The following CTTNBP2NL variants were observed in gnomAD, a reference collection of about 807,000 sequenced individuals.
CTTNBP2NL encodes the protein CTTNBP2 N-terminal like, also known as CTTNBP2 N-terminal-like protein.
In CTTNBP2NL, 16 loss-of-function variants were observed where a neutral mutation model predicts 32.5. The observed-to-expected ratio is 0.49, with a 90% CI of 0.33 to 0.75. The LOEUF (loss-of-function observed/expected upper bound fraction) is 0.75. Ranked by LOEUF, CTTNBP2NL falls within the 30% of genes least tolerant of loss-of-function variation. The pLI is 0.02. For synonymous variants in CTTNBP2NL, 298 were observed against 289.4 expected, an observed-to-expected ratio of 1.03 and a Z score of -0.30; for missense variants, 645 against 756.0, an observed-to-expected ratio of 0.85 and a Z score of 1.72.
rs1480294677 is a variant in CTTNBP2NL, at chr1:112,458,115, T to C, written c.*703T>C. 6.6e-6 allele frequency: 1 copy of C among 152,664 alleles called. No individual in the cohort carries two copies. Among genetic ancestry groups the C allele is most frequent in the East Asian group, 1.9e-4 (1 of 5,194 alleles). The allele number at this position is 152,664 out of a possible 1,614,324, so 9.5% of individuals were successfully genotyped here. ...TTGAAAAATTAAGTCACTCCCAGTT[T>C]CCTGCATAAGTTCTTGAACAGAATG... On this transcript the variant is annotated 3_prime_UTR_variant, in exon 6 of 6. Coordinates refer to ENST00000271277, the MANE Select transcript of CTTNBP2NL (RefSeq NM_018704.3).
intron 1 of CTTNBP2NL, among the ~76,000 whole-genome samples, chr1:112,401,043 C>T (rs1648484739): frequency 6.6e-6 from 1 of 151,602 alleles, no homozygotes; most frequent in Non-Finnish European, 1.5e-5. Context: ...AGCAAGGTAC[C>T]CAGGATATAA....
rs369670174 is a variant in CTTNBP2NL at position 112,419,895 on chromosome 1, A to G, written c.99+3631A>G. ...TAGATGGTTTTTAGGAAGAGCTTTT[A>G]AGATTGGGATGGGTGGTTTCGATCA... On this transcript the variant is annotated intron_variant, in intron 3 of 5. Transcript: ENST00000271277. Among the ~76,000 whole-genome samples, 229 of 152,312 alleles carry G rather than the reference A, an allele frequency of 1.5e-3. 1 individual carries two copies. Among genetic ancestry groups the G allele is most frequent in the African/African-American group, 5.1e-3 (214 of 41,572 alleles).
At chr1:112,439,964 C>G (rs1215562059) in intron 3 of CTTNBP2NL, among the ~76,000 whole-genome samples, 1 of 152,152 alleles carries the variant, frequency 6.6e-6, no homozygotes, top group Non-Finnish European at 1.5e-5. Context: ...AACATTTAAA[C>G]AGAGAGGCTA....
intron 3 of CTTNBP2NL, among the ~76,000 whole-genome samples, chr1:112,422,817 G>A (rs994536959): frequency 6.6e-6 from 1 of 151,860 alleles, no homozygotes; most frequent in Non-Finnish European, 1.5e-5. Flanking sequence ...TTTAGAGATG[G>A]GATCTCACTT....
rs1650343389 is a variant in CTTNBP2NL at position 112,455,813 on chromosome 1, A to G, written c.439-118A>G. ...TGTTAGGTGTTCTAAAATTTCAGAA[A>G]TACTTGATCTAAGCACTGTGATGTG... On this transcript the variant is annotated intron_variant, in intron 5 of 5. Coordinates refer to ENST00000271277, the MANE Select transcript of CTTNBP2NL (RefSeq NM_018704.3). 1.4e-5 allele frequency: 10 copies of G among 700,762 alleles called. No individual in the cohort carries two copies. In the South Asian group the frequency reaches 1.8e-4, roughly 12 times the overall value. 43.4% of individuals were successfully genotyped at this position (700,762 alleles called of 1,614,324 possible).
intron 1 of CTTNBP2NL, 116 bp downstream of exon 1, chr1:112,396,388 A>C (rs925769149): frequency 6.6e-6 from 1 of 152,358 alleles, no homozygotes; most frequent in Admixed American, 6.5e-5. Flanking sequence ...CTCTGGGCCC[A>C]TCCCCTGAGG....
At position 112,456,318 on chromosome 1, in the gene CTTNBP2NL, G is replaced by C; in HGVS notation, c.826G>C (p.Asp276His). ...EMESLKKIVK[D>H]LEASHQHSSP... ...GGAAAGTTTAAAGAAGATAGTGAAG[G>C]ACCTAGAGGCTTCCCACCAGCACAG... Residue 276 changes from aspartate (D) to histidine (H), a missense_variant, in exon 6 of 6, where the codon GAC (aspartate) becomes CAC (histidine). By Grantham distance (81) the Asp-to-His change is moderately conservative (BLOSUM62 -1). Transcript: ENST00000271277. 1 of 1,613,908 alleles carries C rather than the reference G, an allele frequency of 6.2e-7. No homozygotes were observed. The highest frequency in any genetic ancestry group is 8.5e-7 in the Non-Finnish European group (1 of 1,180,016).
chr1:112,458,231 G>T lies in CTTNBP2NL; in HGVS notation c.*819G>T, dbSNP rs191667755. 2 of 152,712 alleles carry T rather than the reference G, an allele frequency of 1.3e-5. No individual in the cohort carries two copies. Among genetic ancestry groups the T allele is most frequent in the Non-Finnish European group, 2.9e-5 (2 of 68,022 alleles). The allele number at this position is 152,712 out of a possible 1,614,324, so 9.5% of individuals were successfully genotyped here. A position where few individuals can be genotyped will look rare whatever the true frequency, so the allele number is the denominator to read the frequency against. On this transcript the variant is annotated 3_prime_UTR_variant, in exon 6 of 6. Transcript: ENST00000271277. The stretch of plus-strand genomic sequence containing the variant: ...ATTGCTGTTACTTGAATAGGAAATG[G>T]TTACTCATTCTGTATAAAAGTTTTG...
chr1:112,419,007 A>G (rs987466566), intron 3 of CTTNBP2NL, among the ~76,000 whole-genome samples: 1 of 152,184 alleles, frequency 6.6e-6, no homozygotes, highest in African/African-American at 2.4e-5. Context: ...CTTTATTTTA[A>G]AGCATTCTTT....
intron 3 of CTTNBP2NL, among the ~76,000 whole-genome samples, chr1:112,427,744 A>C (rs569832135): frequency 6.1e-4 from 92 of 152,040 alleles, no homozygotes; most frequent in South Asian, 1.0e-3. Context: ...AAATACAAAA[A>C]AATTAGCCAG....
rs1182248879 is a variant in CTTNBP2NL at position 112,456,370 on chromosome 1, C to T, written c.878C>T (p.Pro293Leu). Residue 293 changes from proline (P) to leucine (L), a missense_variant, in exon 6 of 6, where the codon CCA becomes CTA. Physicochemically the swap from Pro to Leu is moderately conservative, Grantham distance 98. Transcript: ENST00000271277. ...HSSPNEQLKK[P>L]VTVSKGTATE... The stretch of plus-strand genomic sequence containing the variant: ...AGCCCTAATGAGCAATTGAAGAAAC[C>T]AGTAACCGTGTCCAAAGGCACAGCA... 4 of 1,613,906 alleles carry T rather than the reference C, an allele frequency of 2.5e-6. No individual in the cohort carries two copies. The highest frequency in any genetic ancestry group is 8.5e-7 in the Non-Finnish European group (1 of 1,180,030).
chr1:112,447,397 A>G (rs184553395), intron 3 of CTTNBP2NL, among the ~76,000 whole-genome samples: 2 of 152,170 alleles, frequency 1.3e-5, no homozygotes, highest in African/African-American at 4.8e-5. Flanking sequence ...AGTTATTAGT[A>G]ACTTAAAGAA....
At position 112,447,253 on chromosome 1, in the gene CTTNBP2NL, G is replaced by A. The variant is rs192511995; in HGVS notation, c.100-1689G>A. Among the ~76,000 whole-genome samples, 521 of 137,148 alleles carry A rather than the reference G, an allele frequency of 3.8e-3. 8 individuals carry two copies. The highest frequency in any genetic ancestry group is 5.4e-3 in the East Asian group (26 of 4,804). The allele number at this position is 137,148 out of a possible 152,430, so 90.0% of individuals were successfully genotyped here. ...TGTGCCACTGCTCTCCAGCCTGGGC[G>A]ACAGAGCGAGACTCCATCTAAAAAA... is the stretch of plus-strand genomic sequence containing the variant. On this transcript the variant is annotated intron_variant, in intron 3 of 5. Transcript: ENST00000271277.
At chr1:112,422,046 C>T (rs1649247830) in intron 3 of CTTNBP2NL, among the ~76,000 whole-genome samples, 1 of 151,836 alleles carries the variant, frequency 6.6e-6, no homozygotes, top group South Asian at 2.1e-4. Flanking sequence ...ATGTGTTTCC[C>T]CAAGAAACCA....
At chr1:112,404,988 TG>T (rs1648617004) in intron 1 of CTTNBP2NL, among the ~76,000 whole-genome samples, 1 of 1,156 alleles carries the variant, frequency 8.7e-4, no homozygotes, top group Non-Finnish European at 0.014. Context: ...AGGCGGAGGT[TG>T]CGGTGAGGCC....
At position 112,458,352 on chromosome 1, in the gene CTTNBP2NL, A is replaced by G. The variant is rs1377459594; in HGVS notation, c.*940A>G. 2 of 152,618 alleles carry G rather than the reference A, an allele frequency of 1.3e-5. No individual in the cohort carries two copies. Among genetic ancestry groups the G allele is most frequent in the Non-Finnish European group, 2.9e-5 (2 of 68,036 alleles). The allele number at this position is 152,618 out of a possible 1,614,324, so 9.5% of individuals were successfully genotyped here. On this transcript the variant is annotated 3_prime_UTR_variant, in exon 6 of 6. Transcript: ENST00000271277. Reference sequence around the variant, plus strand: ...CAGTCAGAATTATACAAGTTTTACCAAATTGTTACACTTATTCTCCAAGCT... The same window carrying G: ...CAGTCAGAATTATACAAGTTTTACCGAATTGTTACACTTATTCTCCAAGCT...
chr1:112,441,315 T>C (rs1372694165), intron 3 of CTTNBP2NL, among the ~76,000 whole-genome samples: 2 of 152,240 alleles, frequency 1.3e-5, no homozygotes, highest in African/African-American at 2.4e-5. Context: ...TACTCTTTTA[T>C]GCCTGGCCTC....
chr1:112,427,180 C>T (rs1649429415), intron 3 of CTTNBP2NL, among the ~76,000 whole-genome samples: 1 of 152,046 alleles, frequency 6.6e-6, no homozygotes, highest in African/African-American at 2.4e-5. Flanking sequence ...TTATGGTAAA[C>T]CATTTAAATT....
Position 112,455,949 on chromosome 1 carries a change from C to G in CTTNBP2NL, c.457C>G (p.Gln153Glu), listed in dbSNP as rs1650348129. ...TTTCTAGTTGGAATTTGAAAAATCC[C>G]AAGTGAAAAAGTTTGAAAAAGAACA... Reference protein sequence around the residue: ...LTQQLEFEKSQVKKFEKEQKK... With the variant: ...LTQQLEFEKSEVKKFEKEQKK... The change falls in exon 6 of 6, where the codon CAA becomes GAA. Residue 153 changes from glutamine (Q) to glutamate (E), a missense_variant. Gln to Glu is a conservative substitution (Grantham distance 29). Transcript: ENST00000271277. 1 of 1,577,100 alleles carries G rather than the reference C, an allele frequency of 6.3e-7. No individual in the cohort carries two copies. Among genetic ancestry groups the G allele is most frequent in the Admixed American group, 2.0e-5 (1 of 50,240 alleles).
Sources: allele counts gnomAD v4.1 joint callset (sites outside exome capture counted in the v4.1 genomes callset), GRCh38; gene constraint gnomAD v4.1.1; transcripts MANE v1.5; gene names NCBI Gene and HGNC (gene_info 2026-07-23, HGNC 2026-07-21).